GPC5: variants seen among roughly 807,000 people sequenced by gnomAD.
The protein encoded by GPC5 is glypican 5.
Under a neutral mutation model 53.9 loss-of-function variants are expected in GPC5, and 47 were observed. That is an observed-to-expected ratio of 0.87 (90% CI 0.69 to 1.11). The LOEUF is 1.11. GPC5 is among the 50% of genes most tolerant of loss of function. The pLI, the probability that GPC5 is intolerant of heterozygous loss-of-function variation, is 0.00. For synonymous variants in GPC5, 286 were observed against 263.3 expected, an observed-to-expected ratio of 1.09 and a Z score of -0.84; for missense variants, 748 against 713.1, an observed-to-expected ratio of 1.05 and a Z score of -0.56.
intron 5 of GPC5, among the ~76,000 whole-genome samples, chr13:91,896,586 AC>A (rs2138978428): frequency 6.6e-6 from 1 of 152,242 alleles, no homozygotes; most frequent in East Asian, 1.9e-4. Context: ...AGAAAGGAGA[AC>A]GGGGGAAGTA....
chr13:92,084,833 G>T (rs2041323560), intron 6 of GPC5, among the ~76,000 whole-genome samples: 1 of 152,156 alleles, frequency 6.6e-6, no homozygotes, highest in African/African-American at 2.4e-5. Context: ...TTTTCAAGTT[G>T]TGTTAATCCA....
Position 91,976,690 on chromosome 13 carries a change from A to C in GPC5, c.1401+68633A>C, listed in dbSNP as rs552865499. Among the ~76,000 whole-genome samples, 57 of 152,288 alleles carry C rather than the reference A, an allele frequency of 3.7e-4. 1 individual carries two copies. Among genetic ancestry groups the C allele is most frequent in the African/African-American group, 1.3e-3 (53 of 41,560 alleles). Reference sequence around the variant, plus strand: ...AGTTCCTTGATACTATTTGGAAGGCATGATGGTTTTCCTGAGGAAGAAACT... The same window carrying C: ...AGTTCCTTGATACTATTTGGAAGGCCTGATGGTTTTCCTGAGGAAGAAACT... On this transcript the variant is annotated intron_variant, in intron 6 of 7. Coordinates refer to ENST00000377067, the MANE Select transcript of GPC5 (RefSeq NM_004466.6).
chr13:91,694,282 T>A (rs2035832416), intron 3 of GPC5, among the ~76,000 whole-genome samples: 1 of 152,220 alleles, frequency 6.6e-6, no homozygotes, highest in African/African-American at 2.4e-5. Context: ...GTGTGCAAAC[T>A]ACTTAGTATG....
intron 5 of GPC5, among the ~76,000 whole-genome samples, chr13:91,878,347 T>A (rs2039227247): frequency 6.6e-6 from 1 of 152,186 alleles, no homozygotes; most frequent in South Asian, 2.1e-4. Context: ...AATGAGTACT[T>A]TTGTATTCAT....
rs370606716 is a variant in GPC5 at position 91,873,579 on chromosome 13, G to C, written c.1281-34358G>C. ...CTTGTCGGCCGCCATGTGAGACATG[G>C]CTTTCACCTTCCCCCATGAGTGTGA... is the stretch of plus-strand genomic sequence containing the variant. On this transcript the variant is annotated intron_variant, in intron 5 of 7. Transcript: ENST00000377067. Among the ~76,000 whole-genome samples the C allele has an allele frequency of 9.1e-4, 139 of 152,274 alleles. 2 individuals carry two copies. The South Asian group carries it at 0.027, about 29-fold the overall frequency.
chr13:92,365,152 A>T (rs781392912), intron 7 of GPC5, among the ~76,000 whole-genome samples: 3 of 151,704 alleles, frequency 2.0e-5, no homozygotes, highest in Non-Finnish European at 4.4e-5. Flanking sequence ...ACTGACACAG[A>T]CCTTGATGGT....
intron 5 of GPC5, among the ~76,000 whole-genome samples, chr13:91,845,197 C>T (rs920354575): frequency 1.5e-5 from 2 of 129,744 alleles, no homozygotes; most frequent in African/African-American, 2.6e-5. Flanking sequence ...CTTTATGTTT[C>T]TATTTTTGTT....
At chr13:91,981,002 A>T (rs1352741918) in intron 6 of GPC5, among the ~76,000 whole-genome samples, 1 of 152,162 alleles carries the variant, frequency 6.6e-6, no homozygotes, top group Non-Finnish European at 1.5e-5. Flanking sequence ...TCCATTTTAT[A>T]TTTTTGGACA....
At chr13:92,776,125 C>T (rs1741074893) in intron 7 of GPC5, among the ~76,000 whole-genome samples, 1 of 152,150 alleles carries the variant, frequency 6.6e-6, no homozygotes, top group Non-Finnish European at 1.5e-5. Context: ...GGCTGCTTTC[C>T]TTCTGGAGGT....
At chr13:92,725,222 T>C (rs886493002) in intron 7 of GPC5, among the ~76,000 whole-genome samples, 11 of 151,590 alleles carry the variant, frequency 7.3e-5, no homozygotes, top group African/African-American at 2.2e-4. Flanking sequence ...TTCGTGCCTA[T>C]TTCCTGGAAT....
intron 7 of GPC5, among the ~76,000 whole-genome samples, chr13:92,442,122 T>C (rs900139878): frequency 1.3e-5 from 2 of 152,152 alleles, no homozygotes; most frequent in South Asian, 4.1e-4. Flanking sequence ...TAAAATACCA[T>C]TCTGAAATAA....
chr13:92,811,920 A>T (rs1877314522), intron 7 of GPC5, among the ~76,000 whole-genome samples: 1 of 152,002 alleles, frequency 6.6e-6, no homozygotes, highest in Non-Finnish European at 1.5e-5. Context: ...CATAAATGTC[A>T]GGGTTTATGT....
intron 7 of GPC5, among the ~76,000 whole-genome samples, chr13:92,593,880 A>T (rs1171608995): frequency 6.6e-6 from 1 of 152,234 alleles, no homozygotes; most frequent in Non-Finnish European, 1.5e-5. Flanking sequence ...AGAGGATTAA[A>T]GAGAGAATGG....
intron 7 of GPC5, among the ~76,000 whole-genome samples, chr13:92,155,473 AT>A (rs568743847): frequency 2.6e-4 from 40 of 152,172 alleles, no homozygotes; most frequent in African/African-American, 9.4e-4. Context: ...CTTTTTCAAT[AT>A]GTAATTTTAA....
At chr13:91,986,356 C>T (rs527710465) in intron 6 of GPC5, among the ~76,000 whole-genome samples, 3 of 152,210 alleles carry the variant, frequency 2.0e-5, no homozygotes, top group Non-Finnish European at 2.9e-5. Context: ...TCAGCCACCA[C>T]GCCCGGCCGC....
At chr13:92,441,495 T>C (rs964617504) in intron 7 of GPC5, among the ~76,000 whole-genome samples, 17 of 152,204 alleles carry the variant, frequency 1.1e-4, no homozygotes, top group Admixed American at 2.0e-4. Context: ...AATTTCAGGA[T>C]ACAAAATCAG....
intron 2 of GPC5, among the ~76,000 whole-genome samples, chr13:91,615,614 A>G (rs1228502024): frequency 6.6e-6 from 1 of 152,050 alleles, no homozygotes; most frequent in Non-Finnish European, 1.5e-5. Context: ...ACGTTTGGAG[A>G]GGTCACAGTG....
At chr13:91,569,964 G>A (rs1444804406) in intron 2 of GPC5, among the ~76,000 whole-genome samples, 1 of 152,064 alleles carries the variant, frequency 6.6e-6, no homozygotes, top group Admixed American at 6.6e-5. Flanking sequence ...TGTTACAGCA[G>A]GACAAATGGA....
At position 92,005,954 on chromosome 13, in the gene GPC5, A is replaced by T. The variant is rs901211046; in HGVS notation, c.1401+97897A>T. Among the ~76,000 whole-genome samples, 2 of 152,190 alleles carry T rather than the reference A, an allele frequency of 1.3e-5. 1 individual carries two copies. Among genetic ancestry groups the T allele is most frequent in the Non-Finnish European group, 2.9e-5 (2 of 68,014 alleles). On this transcript the variant is annotated intron_variant, in intron 6 of 7. Coordinates refer to ENST00000377067, the MANE Select transcript of GPC5 (RefSeq NM_004466.6). ...CACTGTGTATTCTCAAAGAAACTAG[A>T]TGTAACCTGATAAACCTTTTTTTCT...
Sources: gnomAD v4.1 joint callset for allele counts (sites outside exome capture counted in the v4.1 genomes callset) on GRCh38, gnomAD v4.1.1 for gene constraint, MANE v1.5 for transcripts, NCBI Gene and HGNC (gene_info 2026-07-23, HGNC 2026-07-21) for gene names.